The following HDAC9 variants were observed in gnomAD, a reference collection of about 807,000 sequenced individuals.
The protein encoded by HDAC9 is histone deacetylase 9.
In HDAC9, 41 loss-of-function variants were observed where a neutral mutation model predicts 139.4. The observed-to-expected ratio is 0.29, with a 90% confidence interval of 0.23 to 0.38. The LOEUF (loss-of-function observed/expected upper bound fraction) is 0.38. Ranked by LOEUF, HDAC9 falls within the 10% of genes least tolerant of loss-of-function variation. HDAC9 has a pLI of 1.00. For synonymous variants in HDAC9, 517 were observed against 476.2 expected (o/e 1.09, Z -1.12); for missense variants, 1,147 against 1,297.0 (o/e 0.88, Z 1.78).
intron 6 of HDAC9, among the ~76,000 whole-genome samples, chr7:18,617,314 C>A (rs994921620): frequency 2.6e-5 from 4 of 152,140 alleles, no homozygotes; most frequent in African/African-American, 9.7e-5. Flanking sequence ...CAAGCATGAT[C>A]TCTGTCTCCT....
chr7:18,674,207 A>G (rs1375777977), intron 12 of HDAC9, among the ~76,000 whole-genome samples: 1 of 152,042 alleles, frequency 6.6e-6, no homozygotes, highest in Non-Finnish European at 1.5e-5. Context: ...GTGAACAGTA[A>G]AACAAATCCA....
rs1057323770 is a variant in HDAC9 at position 18,210,386 on chromosome 7, G to C, written c.25+48037G>C. Among the ~76,000 whole-genome samples, 9 of 152,328 alleles carry C rather than the reference G, an allele frequency of 5.9e-5. No homozygotes were observed. In the South Asian group the frequency reaches 1.9e-3, roughly 32 times the overall value. On this transcript the variant is annotated intron_variant, in intron 2 of 12. Transcript: ENST00000417496. ...TTTCTAATGAAGAACATAAGTTCCA[G>C]TTAAGAGGGTTTCCTATTTCAGACA...
intron 1 of HDAC9, among the ~76,000 whole-genome samples, chr7:18,432,729 C>T (rs1790794562): frequency 6.6e-6 from 1 of 152,014 alleles, no homozygotes; most frequent in African/African-American, 2.4e-5. Flanking sequence ...GGGCGGATCA[C>T]GAGGTCAGGA....
At chr7:18,275,616 G>T (rs1357471039) in intron 2 of HDAC9, among the ~76,000 whole-genome samples, 1 of 152,080 alleles carries the variant, frequency 6.6e-6, no homozygotes, top group Non-Finnish European at 1.5e-5. Context: ...GAGCCTCCTT[G>T]ATGTTCACTG....
At chr7:18,753,978 C>A (rs1276207104) in intron 14 of HDAC9, among the ~76,000 whole-genome samples, 1 of 152,048 alleles carries the variant, frequency 6.6e-6, no homozygotes. Flanking sequence ...ACATATTGCT[C>A]TTAGTTTGTA....
intron 1 of HDAC9, among the ~76,000 whole-genome samples, chr7:18,411,794 G>A (rs1788576138): frequency 7.5e-6 from 1 of 133,902 alleles, no homozygotes; most frequent in Non-Finnish European, 1.6e-5. Context: ...TAGGTTTGGT[G>A]TACTAAATGT....
chr7:18,429,565 CTGTG>C (rs35916049), intron 1 of HDAC9, among the ~76,000 whole-genome samples: 2 of 137,496 alleles, frequency 1.5e-5, no homozygotes, highest in Admixed American at 6.9e-5. Context: ...GTGTGTGTGT[CTGTG>C]TGTGTGTGTG....
chr7:18,900,395 C>T (rs967599363), intron 22 of HDAC9, among the ~76,000 whole-genome samples: 5 of 152,092 alleles, frequency 3.3e-5, no homozygotes, highest in East Asian at 1.9e-4. Context: ...AACAGATGGC[C>T]CTTAATCACC....
intron 1 of HDAC9, among the ~76,000 whole-genome samples, chr7:18,360,944 T>G (rs1783726614): frequency 6.6e-6 from 1 of 152,226 alleles, no homozygotes; most frequent in Non-Finnish European, 1.5e-5. Context: ...AATGGCAGAA[T>G]AATTACCCTT....
intron 1 of HDAC9, among the ~76,000 whole-genome samples, chr7:18,145,338 T>C (rs148712293): frequency 2.2e-4 from 33 of 152,318 alleles, no homozygotes; most frequent in Non-Finnish European, 4.1e-4. Context: ...AAGTGATAAA[T>C]ACAGGGTGAT....
Position 18,629,442 on chromosome 7 carries a change from G to A in HDAC9, c.757G>A (p.Val253Ile), listed in dbSNP as rs769290219. 3 of 1,612,080 alleles carry A rather than the reference G, an allele frequency of 1.9e-6. No individual in the cohort carries two copies. Among genetic ancestry groups the A allele is most frequent in the Middle Eastern group, 1.6e-4 (1 of 6,062 alleles). ...SPLLRRKDGN[V>I]VTSFKKRMFE... Reference sequence around the variant, plus strand: ...CTTACTCAGGCGGAAGGATGGAAATGTTGTCACTTCATTCAAGAAGCGAAT... The same window carrying A: ...CTTACTCAGGCGGAAGGATGGAAATATTGTCACTTCATTCAAGAAGCGAAT... The change falls in exon 7 of 26, where the codon GTT becomes ATT. Residue 253 changes from valine (V) to isoleucine (I), a missense_variant. Val to Ile is a conservative substitution (Grantham distance 29). Around this residue, in one of 7 missense-constraint regions of HDAC9, gnomAD observed 264 missense variants for 273.8 expected, o/e 0.96. Transcript: ENST00000686413.
rs1051734971 is a variant in HDAC9, at chr7:19,001,184, C to G, written c.*5122C>G. On this transcript the variant is annotated 3_prime_UTR_variant, in exon 26 of 26. Transcript: ENST00000686413. ...TGGAAAGAAAATTGTACATACATTT[C>G]CTTGTCCTTTGGGAGATGTCTTTGA... 1 of 152,126 alleles carries G rather than the reference C, an allele frequency of 6.6e-6. No individual in the cohort carries two copies. Among genetic ancestry groups the G allele is most frequent in the Non-Finnish European group, 1.5e-5 (1 of 67,998 alleles). The allele number at this position is 152,126 out of a possible 1,614,324, so 9.4% of individuals were successfully genotyped here.
At chr7:18,705,271 T>C (rs894416309) in intron 12 of HDAC9, among the ~76,000 whole-genome samples, 1 of 152,188 alleles carries the variant, frequency 6.6e-6, no homozygotes, top group African/African-American at 2.4e-5. Context: ...CTGTTCATTG[T>C]GGTATTTTAA....
intron 13 of HDAC9, among the ~76,000 whole-genome samples, chr7:18,736,817 T>A (rs1302509824): frequency 1.3e-5 from 2 of 152,204 alleles, no homozygotes; most frequent in African/African-American, 4.8e-5. Flanking sequence ...TGGTATCAGC[T>A]CCTCTTTGTA....
chr7:18,330,736 C>T (rs898322521), intron 1 of HDAC9, among the ~76,000 whole-genome samples: 1 of 151,606 alleles, frequency 6.6e-6, no homozygotes, highest in African/African-American at 2.4e-5. Context: ...CTTAGAACCC[C>T]AAAATAGAAA....
At chr7:18,740,168 G>C (rs1281093613) in intron 13 of HDAC9, among the ~76,000 whole-genome samples, 2 of 152,196 alleles carry the variant, frequency 1.3e-5, no homozygotes, top group South Asian at 2.1e-4. Flanking sequence ...TTCAGGTACA[G>C]TCTGTCATGG....
intron 1 of HDAC9, among the ~76,000 whole-genome samples, chr7:18,446,851 A>C (rs893872991): frequency 6.6e-6 from 1 of 152,214 alleles, no homozygotes; most frequent in South Asian, 2.1e-4. Context: ...ACAGTTGTAC[A>C]TTATCCACAA....
At chr7:18,573,767 C>T (rs1375301930) in intron 2 of HDAC9, among the ~76,000 whole-genome samples, 1 of 152,156 alleles carries the variant, frequency 6.6e-6, no homozygotes, top group Non-Finnish European at 1.5e-5. Flanking sequence ...TATGGGCATC[C>T]GTGTCTGGAT....
chr7:18,951,978 C>T (rs1210252079), intron 23 of HDAC9, among the ~76,000 whole-genome samples: 1 of 151,660 alleles, frequency 6.6e-6, no homozygotes, highest in Non-Finnish European at 1.5e-5. Context: ...GAATATTATC[C>T]ATTGCATACC....
Sources: allele counts gnomAD v4.1 joint callset (sites outside exome capture counted in the v4.1 genomes callset), GRCh38; gene constraint gnomAD v4.1.1; regional missense constraint gnomAD v4.1.1; transcripts MANE v1.5; gene names NCBI Gene and HGNC (gene_info 2026-07-23, HGNC 2026-07-21).